Variants in ANKH observed in about 807,000 individuals in gnomAD.
The protein encoded by ANKH is ANKH inorganic pyrophosphate transport regulator, also known as mineralization regulator ANKH.
A neutral mutation model predicts 49.0 loss-of-function variants in ANKH; 15 were observed. The ratio of observed to expected loss-of-function variants is 0.31; its 90% CI spans 0.20 to 0.47. The LOEUF is 0.47. Ranked by LOEUF, ANKH falls within the 20% of genes least tolerant of loss-of-function variation. The probability of loss-of-function intolerance (pLI) is 1.00; values close to 1 mark genes in which losing one functional copy is unlikely to be tolerated. For synonymous variants in ANKH, 273 were observed against 260.0 expected (o/e 1.05, Z -0.48); for missense variants, 429 against 652.0 (o/e 0.66, Z 3.72).
intron 4 of ANKH, among the ~76,000 whole-genome samples, chr5:14,755,400 G>A (rs1738853541): frequency 6.6e-6 from 1 of 152,148 alleles, no homozygotes; most frequent in African/African-American, 2.4e-5. Flanking sequence ...GTGAATGGCA[G>A]CCCTGCATGG....
At chr5:14,805,368 C>CTA (rs777278221) in intron 1 of ANKH, among the ~76,000 whole-genome samples, 16 of 138,124 alleles carry the variant, frequency 1.2e-4, no homozygotes, top group Non-Finnish European at 1.7e-4. Context: ...ATAAACTCCC[C>CTA]TATATATATG....
intron 2 of ANKH, among the ~76,000 whole-genome samples, chr5:14,760,777 A>G (rs1739049686): frequency 6.6e-6 from 1 of 152,216 alleles, no homozygotes; most frequent in Non-Finnish European, 1.5e-5. Context: ...GGTGAAGGTT[A>G]CGGTCACTAT....
At chr5:14,864,423 C>T in intron 1 of ANKH, among the ~76,000 whole-genome samples, 1 of 152,080 alleles carries the variant, frequency 6.6e-6, no homozygotes, top group East Asian at 1.9e-4. Flanking sequence ...TAGAAACAAC[C>T]CGCTTACCTA....
chr5:14,735,459 A>C (rs1738144762), intron 8 of ANKH, among the ~76,000 whole-genome samples: 1 of 152,212 alleles, frequency 6.6e-6, no homozygotes, highest in African/African-American at 2.4e-5. Context: ...ATGTAGCCTT[A>C]AGTGACGAGA....
At position 14,711,205 on chromosome 5, in the gene ANKH, T is replaced by G. The variant is rs780844121; in HGVS notation, c.1471A>C (p.Asn491His). The change falls in exon 12 of 12, where the codon AAT becomes CAT. Residue 491 changes from asparagine to histidine, a missense_variant. By Grantham distance (68) the Asn-to-His change is moderately conservative. Around this residue, in one of 2 missense-constraint regions of ANKH, gnomAD observed 51 missense variants for 36.7 expected, o/e 1.39. Coordinates refer to ENST00000284268, the MANE Select transcript of ANKH (RefSeq NM_054027.6). ...VTDIVEMREE[N>H]E ...CCATGGCGTCCCGTGCCTTATTCAT[T>G]CTCCTCTCTCATTTCCACGATGTCT... 6.2e-7 allele frequency: 1 copy of G among 1,613,966 alleles called. No homozygotes were observed. The highest frequency in any genetic ancestry group is 8.5e-7 in the Non-Finnish European group (1 of 1,179,906).
At chr5:14,727,106 T>C (rs1005686280) in intron 8 of ANKH, among the ~76,000 whole-genome samples, 6 of 152,152 alleles carry the variant, frequency 3.9e-5, no homozygotes, top group East Asian at 1.9e-4. Context: ...TTGGCTAACA[T>C]AGGGGTAGCA....
chr5:14,753,048 T>C (rs1738770743), intron 4 of ANKH, among the ~76,000 whole-genome samples: 1 of 152,080 alleles, frequency 6.6e-6, no homozygotes, highest in South Asian at 2.1e-4. Flanking sequence ...AACAGGTTCC[T>C]GAGGAAGCAG....
intron 1 of ANKH, among the ~76,000 whole-genome samples, chr5:14,802,949 G>A (rs1740607425): frequency 6.6e-6 from 1 of 152,216 alleles, no homozygotes; most frequent in Admixed American, 6.5e-5. Context: ...AAGCAGGGAT[G>A]TTAAATTAAC....
At chr5:14,724,810 G>A (rs886182686) in intron 8 of ANKH, among the ~76,000 whole-genome samples, 5 of 152,220 alleles carry the variant, frequency 3.3e-5, no homozygotes, top group South Asian at 2.1e-4. Flanking sequence ...GTGTGTCCTC[G>A]GAGACCACCA....
At chr5:14,759,946 GC>G (rs1437121023) in intron 2 of ANKH, among the ~76,000 whole-genome samples, 2 of 152,162 alleles carry the variant, frequency 1.3e-5, no homozygotes, top group Non-Finnish European at 2.9e-5. Flanking sequence ...CAGTAGGTGT[GC>G]CTACTATTTT....
intron 1 of ANKH, among the ~76,000 whole-genome samples, chr5:14,862,060 AC>A (rs1735510217): frequency 6.6e-6 from 1 of 152,098 alleles, no homozygotes; most frequent in Non-Finnish European, 1.5e-5. Context: ...ACATGGTGAA[AC>A]CCCGTCTCTA....
intron 1 of ANKH, among the ~76,000 whole-genome samples, chr5:14,790,837 T>C (rs1273662404): frequency 6.6e-6 from 1 of 152,188 alleles, no homozygotes; most frequent in Non-Finnish European, 1.5e-5. Flanking sequence ...CTTGAACTCC[T>C]TACCTCAAGA....
rs192174647 is a variant in ANKH at position 14,749,323 on chromosome 5, A to G, written c.688-17T>C. ...TGCATCTCCCTGTGTTAAGAAACGA[A>G]GATAAAAGTTACCTGAACTCTAGAA... On this transcript the variant is annotated splice_polypyrimidine_tract_variant and intron_variant, in intron 5 of 11. Transcript: ENST00000284268. 1 of 1,614,178 alleles carries G rather than the reference A, an allele frequency of 6.2e-7. No individual in the cohort carries two copies. The highest frequency in any genetic ancestry group is 2.2e-5 in the East Asian group (1 of 44,890).
In ANKH at chr5:14,800,573, A is replaced by G. The variant is rs569284821; in HGVS notation, c.97-31382T>C. ...AATACAGAAGCAAGATCCTGTATCC[A>G]CAAAATGATTACAACTCTTTGAAAG... is the stretch of plus-strand genomic sequence containing the variant. On this transcript the variant is annotated intron_variant, in intron 1 of 11. Coordinates refer to ENST00000284268, the MANE Select transcript of ANKH (RefSeq NM_054027.6). 3.3e-5 allele frequency among the ~76,000 whole-genome samples: 5 copies of G among 152,368 alleles called. No homozygotes were observed. In the South Asian group the frequency reaches 1.0e-3, roughly 32 times the overall value.
At chr5:14,797,473 A>G (rs1740425354) in intron 1 of ANKH, 2 of 1,611,168 alleles carry the variant, frequency 1.2e-6, no homozygotes, top group Non-Finnish European at 1.7e-6. Context: ...AAGGAATGCA[A>G]CTTAAGTTTC....
At chr5:14,864,376 T>C (rs1489257234) in intron 1 of ANKH, among the ~76,000 whole-genome samples, 3 of 152,066 alleles carry the variant, frequency 2.0e-5, no homozygotes, top group Admixed American at 1.3e-4. Flanking sequence ...AGTAAACGAG[T>C]AAACAAACCA....
intron 8 of ANKH, among the ~76,000 whole-genome samples, chr5:14,726,336 G>GTTTCACAGGTCATGGTCACGACTCTGGC (rs1737821795): frequency 6.6e-6 from 1 of 152,294 alleles, no homozygotes; most frequent in African/African-American, 2.4e-5. Context: ...TTCACGAAGG[G>GTTTCACAGGTCATGGTCACGACTCTGGC]TTTCACAGGT....
At chr5:14,819,137 G>A (rs1420995477) in intron 1 of ANKH, among the ~76,000 whole-genome samples, 1 of 152,174 alleles carries the variant, frequency 6.6e-6, no homozygotes, top group African/African-American at 2.4e-5. Context: ...CCACTGTCCA[G>A]AAAGAGCTGA....
intron 1 of ANKH, among the ~76,000 whole-genome samples, chr5:14,836,077 C>T (rs1055759700): frequency 1.3e-5 from 2 of 152,126 alleles, no homozygotes; most frequent in African/African-American, 2.4e-5. Context: ...GCCCTTCATG[C>T]TAAAAACTCT....
Sources: allele counts gnomAD v4.1 joint callset (sites outside exome capture counted in the v4.1 genomes callset), GRCh38; gene constraint gnomAD v4.1.1; regional missense constraint gnomAD v4.1.1; transcripts MANE v1.5; gene names NCBI Gene and HGNC (gene_info 2026-07-23, HGNC 2026-07-21).